The following AFF1 variants were observed in gnomAD, a reference collection of about 807,000 sequenced individuals.
AFF1 encodes the protein ALF transcription elongation factor 1.
A neutral mutation model predicts 121.7 loss-of-function variants in AFF1; 48 were observed. The ratio of observed to expected loss-of-function variants is 0.39; its 90% CI spans 0.31 to 0.50. The LOEUF is 0.50. AFF1 is among the 20% of genes least tolerant of loss of function. The probability of loss-of-function intolerance (pLI) is 0.76; values close to 1 mark genes in which losing one functional copy is unlikely to be tolerated. For missense variants in AFF1, 1,523 were observed against 1,511.7 expected (o/e 1.01, Z -0.12); for synonymous variants, 613 against 563.0 (o/e 1.09, Z -1.26).
At chr4:87,117,492 C>T (rs1004753660) in intron 12 of AFF1, among the ~76,000 whole-genome samples, 2 of 152,198 alleles carry the variant, frequency 1.3e-5, no homozygotes, top group African/African-American at 4.8e-5. Flanking sequence ...CCCCAACCCC[C>T]ATTGGTATTT....
At chr4:87,020,946 G>A (rs1727837691) in intron 2 of AFF1, 2 of 706,714 alleles carry the variant, frequency 2.8e-6, no homozygotes, top group East Asian at 1.3e-4. Flanking sequence ...TCTGCATGCG[G>A]ATTTTATTTT....
chr4:87,077,871 T>G (rs182465257), intron 4 of AFF1, among the ~76,000 whole-genome samples: 2 of 152,356 alleles, frequency 1.3e-5, no homozygotes, highest in Non-Finnish European at 2.9e-5. Context: ...TACCATAGTT[T>G]TCATAGTCAG....
intron 12 of AFF1, among the ~76,000 whole-genome samples, chr4:87,122,881 T>TAAAAAA (rs3036188): frequency 0.063 from 6,038 of 96,388 alleles, 263 homozygotes; most frequent in Non-Finnish European, 0.084. Flanking sequence ...GGAAAATTAG[T>TAAAAAA]AAAAAAAAAA....
At chr4:87,107,748 A>C (rs1726064021) in intron 10 of AFF1, among the ~76,000 whole-genome samples, 1 of 152,228 alleles carries the variant, frequency 6.6e-6, no homozygotes, top group Non-Finnish European at 1.5e-5. Flanking sequence ...GCAGCTGTTC[A>C]AATCTGCCAT....
At chr4:87,067,489 G>A (rs1380889511) in intron 4 of AFF1, among the ~76,000 whole-genome samples, 1 of 152,206 alleles carries the variant, frequency 6.6e-6, no homozygotes, top group East Asian at 1.9e-4. Context: ...ATGGACTACA[G>A]TGAGAAGTGG....
In AFF1 at chr4:87,046,019, G is replaced by T. The variant is rs563206445; in HGVS notation, c.39-147G>T. On this transcript the variant is annotated intron_variant, in intron 2 of 20. Coordinates refer to ENST00000395146, the MANE Select transcript of AFF1 (RefSeq NM_001166693.3). ...GGCCTCACCCTAAGGCTGGGTTAAG[G>T]AACTTAGGCTTTCTTTAAATCACAG... 5 of 1,001,468 alleles carry T rather than the reference G, an allele frequency of 5.0e-6. No homozygotes were observed. The South Asian group carries it at 8.5e-5, about 17-fold the overall frequency. The allele number at this position is 1,001,468 out of a possible 1,614,324, so 62.0% of individuals were successfully genotyped here.
intron 2 of AFF1, among the ~76,000 whole-genome samples, chr4:87,038,341 A>G (rs1392956593): frequency 1.3e-5 from 2 of 152,196 alleles, no homozygotes; most frequent in African/African-American, 2.4e-5. Flanking sequence ...TTGAAGCAAC[A>G]TTTTATCCTG....
intron 4 of AFF1, among the ~76,000 whole-genome samples, chr4:87,052,542 C>A (rs1211273029): frequency 6.6e-6 from 1 of 151,700 alleles, no homozygotes; most frequent in East Asian, 1.9e-4. Flanking sequence ...ACCATGGAGG[C>A]TTTGTTGGCC....
intron 2 of AFF1, among the ~76,000 whole-genome samples, chr4:86,978,729 C>G (rs1723502127): frequency 6.6e-6 from 1 of 152,120 alleles, no homozygotes; most frequent in Non-Finnish European, 1.5e-5. Flanking sequence ...TTCATGAGCT[C>G]TTGCTACCTT....
chr4:87,100,006 C>CT (rs1003267425), intron 8 of AFF1, among the ~76,000 whole-genome samples: 7 of 152,010 alleles, frequency 4.6e-5, no homozygotes, highest in South Asian at 2.1e-4. Context: ...CTGAGGGAGT[C>CT]TTTTTTTAAG....
intron 2 of AFF1, among the ~76,000 whole-genome samples, chr4:87,013,033 T>TTTTTTTTTG (rs1491269140): frequency 0.044 from 238 of 5,470 alleles, 17 homozygotes; most frequent in African/African-American, 0.063. Flanking sequence ...TATCAAGTTC[T>TTTTTTTTTG]TTTTTTTTTT....
intron 2 of AFF1, among the ~76,000 whole-genome samples, chr4:87,030,769 A>ACT (rs10651125): frequency 0.044 from 6,766 of 152,182 alleles, 485 homozygotes; most frequent in African/African-American, 0.15. Context: ...GTTAGGCCAG[A>ACT]CTTCACAGCA....
intron 7 of AFF1, 89 bp from the exon 8 acceptor site, chr4:87,094,826 A>G: frequency 7.8e-7 from 1 of 1,280,094 alleles, no homozygotes; most frequent in Non-Finnish European, 1.1e-6. Flanking sequence ...TGTTTAGGTA[A>G]AAACTGGGGA....
chr4:87,107,408 A>T (rs1560631344), intron 10 of AFF1, among the ~76,000 whole-genome samples: 1 of 152,174 alleles, frequency 6.6e-6, no homozygotes, highest in Non-Finnish European at 1.5e-5. Flanking sequence ...TTATTGCCCC[A>T]TTCTTAAAAT....
At chr4:87,060,407 G>A (rs1010652778) in intron 4 of AFF1, among the ~76,000 whole-genome samples, 2 of 152,118 alleles carry the variant, frequency 1.3e-5, no homozygotes, top group South Asian at 4.1e-4. Context: ...TAAAACTGCT[G>A]TTAATCTAGA....
At chr4:87,050,936 C>A (rs1227551822) in intron 4 of AFF1, among the ~76,000 whole-genome samples, 1 of 152,192 alleles carries the variant, frequency 6.6e-6, no homozygotes, top group East Asian at 1.9e-4. Context: ...AGTGCTCATG[C>A]ACATGGACCC....
Position 87,115,201 on chromosome 4 carries a change from C to A in AFF1, c.2368C>A (p.Gln790Lys). The stretch of plus-strand genomic sequence containing the variant: ...CCAGCCTCCCGGGAAGGGGAGCCGC[C>A]AGAGGAAAGCAGAAGATAAACAGCC... ...IPQPPGKGSR[Q>K]RKAEDKQPPA... Residue 790 changes from glutamine to lysine, a missense_variant, in exon 12 of 21, where the codon CAG becomes AAG. Gln to Lys is a moderately conservative substitution (Grantham distance 53, BLOSUM62 1). Transcript: ENST00000395146. 1 of 1,614,186 alleles carries A rather than the reference C, an allele frequency of 6.2e-7. No individual in the cohort carries two copies.
At position 87,139,974 on chromosome 4, in the gene AFF1, A is replaced by T. The variant is rs1729593429; in HGVS notation, c.*4273A>T. On this transcript the variant is annotated 3_prime_UTR_variant, in exon 21 of 21. Coordinates refer to ENST00000395146, the MANE Select transcript of AFF1 (RefSeq NM_001166693.3). ...TATAAATTTCTTACTGTCAGGAGGAAATGACATTATATTCTGTTCCACTGA... is the reference window on the plus strand; with the variant it reads ...TATAAATTTCTTACTGTCAGGAGGATATGACATTATATTCTGTTCCACTGA... 4.7e-6 allele frequency: 1 copy of T among 211,510 alleles called. No homozygotes were observed. The allele number at this position is 211,510 out of a possible 1,614,324, so 13.1% of individuals were successfully genotyped here.
intron 2 of AFF1, among the ~76,000 whole-genome samples, chr4:87,020,461 G>A (rs935288479): frequency 1.3e-5 from 2 of 152,096 alleles, no homozygotes; most frequent in African/African-American, 4.8e-5. Context: ...AAGTTTCTTT[G>A]CAAATGTTGA....
Sources: gnomAD v4.1 joint callset for allele counts (sites outside exome capture counted in the v4.1 genomes callset) on GRCh38, gnomAD v4.1.1 for gene constraint, MANE v1.5 for transcripts, NCBI Gene and HGNC (gene_info 2026-07-23, HGNC 2026-07-21) for gene names.